GIT2: variants seen among roughly 807,000 people sequenced by gnomAD.
The protein encoded by GIT2 is GIT ArfGAP 2, also known as ARF GTPase-activating protein GIT2.
In GIT2, 32 loss-of-function variants were observed where a neutral mutation model predicts 100.3. The observed-to-expected ratio is 0.32, with a 90% confidence interval of 0.24 to 0.43. GIT2 has a LOEUF of 0.43. Ranked by LOEUF, GIT2 falls within the 20% of genes least tolerant of loss-of-function variation. The pLI is 1.00. For synonymous variants in GIT2, 353 were observed against 364.1 expected, an observed-to-expected ratio of 0.97 and a Z score of 0.35; for missense variants, 737 against 975.1, an observed-to-expected ratio of 0.76 and a Z score of 3.25.
In GIT2 at chr12:109,947,513, A is replaced by T. The variant is rs1375481152; in HGVS notation, c.1393-9T>A. The stretch of plus-strand genomic sequence containing the variant: ...CTCTGGAGTGTTTGAAGCTGAAAGA[A>T]ATGTTTGGCAGTGGGACTGTGTTTT... On this transcript the variant is annotated splice_polypyrimidine_tract_variant and intron_variant, in intron 14 of 19. Coordinates refer to ENST00000355312, the MANE Select transcript of GIT2 (RefSeq NM_057169.5). This position sits in a 1 kb window ranked among gnomAD's most constrained non-coding sequence, Gnocchi z 4.3. 1.2e-6 allele frequency: 2 copies of T among 1,610,456 alleles called. No homozygotes were observed. The highest frequency in any genetic ancestry group is 3.4e-5 in the Admixed American group (2 of 59,618).
intron 16 of GIT2, among the ~76,000 whole-genome samples, chr12:109,943,547 TG>T (rs1447772704): frequency 6.6e-6 from 1 of 152,190 alleles, no homozygotes; most frequent in African/African-American, 2.4e-5. Context: ...TTGGCCAGGC[TG>T]GTCTCAAATT....
At chr12:109,946,823 G>A (rs981214774) in intron 15 of GIT2, among the ~76,000 whole-genome samples, 2 of 152,146 alleles carry the variant, frequency 1.3e-5, no homozygotes, top group South Asian at 2.1e-4. Context: ...CTGAAAAGAC[G>A]TCTTGGATTC....
intron 11 of GIT2, among the ~76,000 whole-genome samples, chr12:109,960,992 G>A (rs1880905092): frequency 6.6e-6 from 1 of 152,114 alleles, no homozygotes; most frequent in South Asian, 2.1e-4. Context: ...GATAAAACTT[G>A]CACTAATGCT....
At chr12:109,982,383 C>T (rs1485119978) in intron 6 of GIT2, 1 of 152,188 alleles carries the variant, frequency 6.6e-6, no homozygotes, top group Non-Finnish European at 1.5e-5. Flanking sequence ...GGTCTTGCCT[C>T]CTTGAACTCT....
At chr12:109,992,114 C>G (rs924317820) in intron 1 of GIT2, 2 of 173,244 alleles carry the variant, frequency 1.2e-5, no homozygotes, top group African/African-American at 4.8e-5. Flanking sequence ...GATTTTGGAT[C>G]CATCTCCATA....
upstream of GIT2, chr12:109,998,059 TGA>T (rs1307440330): frequency 6.6e-6 from 1 of 152,186 alleles, no homozygotes; most frequent in East Asian, 1.9e-4. Context: ...TTCTGATTAA[TGA>T]GATAGGGAGA....
chr12:109,971,217 T>C (rs554735568), intron 7 of GIT2, among the ~76,000 whole-genome samples: 2 of 152,328 alleles, frequency 1.3e-5, no homozygotes, highest in South Asian at 4.1e-4. Flanking sequence ...ACAGTACATC[T>C]CTCCACTTAT....
intron 16 of GIT2, among the ~76,000 whole-genome samples, chr12:109,942,054 A>T (rs1252458200): frequency 2.0e-5 from 3 of 152,038 alleles, no homozygotes; most frequent in Non-Finnish European, 4.4e-5. Flanking sequence ...TGAACTCCTG[A>T]GCTCAAGTGA....
Position 109,956,568 on chromosome 12 carries a change from C to G in GIT2, c.1099+3279G>C, listed in dbSNP as rs529378687. On this transcript the variant is annotated intron_variant, in intron 12 of 19. Coordinates refer to ENST00000355312, the MANE Select transcript of GIT2 (RefSeq NM_057169.5). Reference sequence around the variant, plus strand: ...AAATGCTGTATTAATTTTGAGGTCACAAATTTTAGCAAGTAGATGAATTTG... The same window carrying G: ...AAATGCTGTATTAATTTTGAGGTCAGAAATTTTAGCAAGTAGATGAATTTG... 7.0e-4 allele frequency among the ~76,000 whole-genome samples: 107 copies of G among 152,208 alleles called. 2 individuals are homozygous for G. The highest frequency in any genetic ancestry group is 1.5e-3 in the South Asian group (7 of 4,814).
chr12:109,986,047 C>T (rs914530733), intron 4 of GIT2, among the ~76,000 whole-genome samples: 10 of 150,986 alleles, frequency 6.6e-5, no homozygotes, highest in African/African-American at 1.9e-4. Context: ...GCTGGAGTGC[C>T]GTGGCATGAT....
Position 109,934,499 on chromosome 12 carries a change from GTC to G in GIT2, c.2004-416_2004-415del, listed in dbSNP as rs892694404. 4.3e-4 allele frequency among the ~76,000 whole-genome samples: 66 copies of G among 152,318 alleles called. No individual in the cohort carries two copies. Among genetic ancestry groups the G allele is most frequent in the Middle Eastern group, 3.4e-3 (1 of 294 alleles). The stretch of plus-strand genomic sequence containing the variant: ...AAAATTCCTTAAAATTAGAATTGGA[GTC>G]TCTCAAGTAGCTGGAACTTCAGGCA... On this transcript the variant is annotated intron_variant, in intron 18 of 19. Transcript: ENST00000355312. The surrounding 1 kb of genome is among the most constrained non-coding windows in gnomAD (Gnocchi z 4.5).
intron 8 of GIT2, among the ~76,000 whole-genome samples, chr12:109,966,832 T>C (rs758142990): frequency 3.3e-5 from 5 of 152,244 alleles, no homozygotes; most frequent in Admixed American, 6.5e-5. Context: ...TCTGCTCTTA[T>C]AGACCAGGGG....
At chr12:109,935,317 A>G (rs1308595690) in intron 18 of GIT2, among the ~76,000 whole-genome samples, 2 of 152,350 alleles carry the variant, frequency 1.3e-5, no homozygotes, top group South Asian at 2.1e-4. Context: ...AGCAATGTCC[A>G]CAGCCGTCAC....
At chr12:109,959,993 G>T (rs1880620259) in intron 11 of GIT2, 35 bp from the exon 12 acceptor site, 2 of 1,389,172 alleles carry the variant, frequency 1.4e-6, no homozygotes, top group Non-Finnish European at 2.0e-6. Flanking sequence ...ATATTTCCCA[G>T]TGTAAAAATA....
At chr12:109,942,242 G>A (rs892241733) in intron 16 of GIT2, among the ~76,000 whole-genome samples, 1 of 152,116 alleles carries the variant, frequency 6.6e-6, no homozygotes, top group Non-Finnish European at 1.5e-5. Flanking sequence ...TAATTATACT[G>A]AAAAATTTGC....
rs562147750 is a variant in GIT2, at chr12:109,959,320, G to A, written c.1099+527C>T. Among the ~76,000 whole-genome samples, 12 of 151,906 alleles carry A rather than the reference G, an allele frequency of 7.9e-5. No individual in the cohort carries two copies. The South Asian group carries it at 1.0e-3, about 13-fold the overall frequency. On this transcript the variant is annotated intron_variant, in intron 12 of 19. Coordinates refer to ENST00000355312, the MANE Select transcript of GIT2 (RefSeq NM_057169.5). Reference sequence around the variant, plus strand: ...TGACGTTAGGTGATCCACCTGCCTCGGCCTCCCAAAGTGCTGGTATTACAG... The same window carrying A: ...TGACGTTAGGTGATCCACCTGCCTCAGCCTCCCAAAGTGCTGGTATTACAG...
In GIT2 at chr12:109,953,203, A is replaced by T; in HGVS notation, c.1131T>A (p.Asn377Lys). 6.2e-7 allele frequency: 1 copy of T among 1,614,002 alleles called. No homozygotes were observed. Among genetic ancestry groups the T allele is most frequent in the Non-Finnish European group, 8.5e-7 (1 of 1,179,876 alleles). The change falls in exon 13 of 20, where the codon AAT becomes AAA. Residue 377 changes from asparagine to lysine, a missense_variant. Physicochemically the swap from Asn to Lys is moderately conservative, Grantham distance 94 (BLOSUM62 0). Transcript: ENST00000355312. ...DNVELILKTI[N>K]NQHSVESQDN... ...CTTGACTCTCAACGCTGTGCTGGTT[A>T]TTGATGGTTTTCAGTATGAGCTCCA...
rs773634356 is a variant in GIT2, at chr12:109,980,931, G to A, written c.718+21C>T. ...ACCTTCCCAACTGGAGATGTGAAAC[G>A]GTCATTCTCCATCCACTCACCTGGT... On this transcript the variant is annotated intron_variant, in intron 7 of 19. Transcript: ENST00000355312. 14 of 1,436,054 alleles carry A rather than the reference G, an allele frequency of 9.7e-6. No individual in the cohort carries two copies. In the South Asian group the frequency reaches 1.3e-4, roughly 13 times the overall value. The allele number at this position is 1,436,054 out of a possible 1,614,324, so 89.0% of individuals were successfully genotyped here.
Position 109,933,181 on chromosome 12 carries a change from A to G in GIT2, c.2077T>C (p.Ser693Pro). Residue 693 changes from serine (S) to proline (P), a missense_variant, in exon 20 of 20, where the codon TCT (serine) becomes CCT (proline). Physicochemically the swap from Ser to Pro is moderately conservative, Grantham distance 74 (BLOSUM62 -1). Coordinates refer to ENST00000355312, the MANE Select transcript of GIT2 (RefSeq NM_057169.5). This position sits in a 1 kb window ranked among gnomAD's most constrained non-coding sequence, Gnocchi z 4.5. ...CGAAGGGAAGTCCTCACCATATCAGACTTGGGTTTCTAAAAGGAAAAAGAC... is the reference window on the plus strand; with the variant it reads ...CGAAGGGAAGTCCTCACCATATCAGGCTTGGGTTTCTAAAAGGAAAAAGAC... ...MAALFPKKPK[S>P]DMVRTSLRLL... 1.9e-6 allele frequency: 3 copies of G among 1,551,334 alleles called. No homozygotes were observed. The highest frequency in any genetic ancestry group is 2.6e-6 in the Non-Finnish European group (3 of 1,143,668).
Sources: gnomAD v4.1 joint callset for allele counts (sites outside exome capture counted in the v4.1 genomes callset) on GRCh38, gnomAD v4.1.1 for gene constraint, Gnocchi (gnomAD v3.1) non-coding constraint, MANE v1.5 for transcripts, NCBI Gene and HGNC (gene_info 2026-07-23, HGNC 2026-07-21) for gene names.